CEP112: variants seen among roughly 807,000 people sequenced by gnomAD.
CEP112 encodes the protein centrosomal protein of 112 kDa.
A neutral mutation model predicts 153.0 loss-of-function variants in CEP112; 127 were observed. The ratio of observed to expected loss-of-function variants is 0.83; its 90% CI spans 0.72 to 0.96. The LOEUF (loss-of-function observed/expected upper bound fraction) is 0.96, where lower values mean the gene tolerates loss of function less well. Ranked by LOEUF, CEP112 falls within the 40% of genes least tolerant of loss-of-function variation. The probability of loss-of-function intolerance (pLI) is 0.00; values close to 1 mark genes in which losing one functional copy is unlikely to be tolerated. For missense variants in CEP112, 1,089 were observed against 1,101.2 expected (o/e 0.99, Z 0.16); for synonymous variants, 358 against 374.4 (o/e 0.96, Z 0.51).
At chr17:65,961,339 T>G in intron 18 of CEP112, 124 bp downstream of exon 18, 1 of 912,060 alleles carries the variant, frequency 1.1e-6, no homozygotes, top group South Asian at 2.1e-5. Context: ...TCTGACCCGA[T>G]TGTATGGCTA....
At chr17:66,148,012 C>T (rs1443830968) in intron 4 of CEP112, among the ~76,000 whole-genome samples, 2 of 152,128 alleles carry the variant, frequency 1.3e-5, no homozygotes, top group Non-Finnish European at 2.9e-5. Flanking sequence ...ATGTGAACTT[C>T]AGGATACTGT....
intron 4 of CEP112, among the ~76,000 whole-genome samples, chr17:66,146,646 T>C (rs767495148): frequency 2.6e-5 from 4 of 152,116 alleles, no homozygotes; most frequent in Non-Finnish European, 4.4e-5. Context: ...ACTGAAACCC[T>C]ACAGTCATTA....
At chr17:65,709,543 C>T (rs2049075233) in intron 23 of CEP112, among the ~76,000 whole-genome samples, 2 of 152,176 alleles carry the variant, frequency 1.3e-5, no homozygotes, top group Admixed American at 1.3e-4. Flanking sequence ...GAACTGCCCC[C>T]ATGATTCAAT....
intron 21 of CEP112, among the ~76,000 whole-genome samples, chr17:65,782,369 G>C (rs1055887162): frequency 6.6e-6 from 1 of 152,274 alleles, no homozygotes; most frequent in African/African-American, 2.4e-5. Flanking sequence ...AGAGAAAAGA[G>C]AATGCTTATA....
At chr17:65,785,012 A>T (rs1226153779) in intron 21 of CEP112, among the ~76,000 whole-genome samples, 1 of 152,212 alleles carries the variant, frequency 6.6e-6, no homozygotes, top group Non-Finnish European at 1.5e-5. Context: ...GCCACTGGCA[A>T]CCACTAATCT....
chr17:66,108,758 G>A (rs1228695776), intron 6 of CEP112, among the ~76,000 whole-genome samples: 1 of 152,110 alleles, frequency 6.6e-6, no homozygotes, highest in African/African-American at 2.4e-5. Flanking sequence ...CAATCCCACT[G>A]CTAGGTATAT....
intron 19 of CEP112, among the ~76,000 whole-genome samples, chr17:65,907,198 T>A (rs1395044226): frequency 6.6e-6 from 1 of 152,230 alleles, no homozygotes; most frequent in African/African-American, 2.4e-5. Flanking sequence ...TTCTGTACTC[T>A]AGTAGTAATG....
intron 8 of CEP112, among the ~76,000 whole-genome samples, chr17:66,076,695 T>C (rs1260988586): frequency 6.6e-6 from 1 of 152,142 alleles, no homozygotes; most frequent in Non-Finnish European, 1.5e-5. Context: ...TTCCTCTCCA[T>C]AGTACCACAG....
intron 19 of CEP112, among the ~76,000 whole-genome samples, chr17:65,914,314 T>C (rs2060394364): frequency 6.6e-6 from 1 of 151,156 alleles, no homozygotes; most frequent in African/African-American, 2.4e-5. Flanking sequence ...TCATGTAAGT[T>C]TGCCAGCTAC....
At chr17:65,678,312 T>C (rs375750146) in intron 24 of CEP112, among the ~76,000 whole-genome samples, 14 of 152,116 alleles carry the variant, frequency 9.2e-5, no homozygotes, top group African/African-American at 3.4e-4. Context: ...CTATATTTGA[T>C]CACCCAGGTT....
At chr17:66,072,841 T>C (rs1169470577) in intron 8 of CEP112, among the ~76,000 whole-genome samples, 1 of 152,188 alleles carries the variant, frequency 6.6e-6, no homozygotes, top group East Asian at 1.9e-4. Flanking sequence ...CCTGGATGTA[T>C]TATGTACAAC....
chr17:66,058,167 C>T (rs1199600625), intron 11 of CEP112, among the ~76,000 whole-genome samples: 2 of 150,886 alleles, frequency 1.3e-5, no homozygotes, highest in Non-Finnish European at 2.9e-5. Context: ...GAAAAAAAAG[C>T]TTTACTAATC....
chr17:66,042,103 C>A (rs939535537), intron 12 of CEP112, among the ~76,000 whole-genome samples: 8 of 152,164 alleles, frequency 5.3e-5, no homozygotes, highest in Non-Finnish European at 1.0e-4. Flanking sequence ...AATCCCAGCA[C>A]TTTGGGAGAC....
At chr17:65,953,521 G>T (rs1005338266) in intron 18 of CEP112, among the ~76,000 whole-genome samples, 2 of 152,186 alleles carry the variant, frequency 1.3e-5, no homozygotes, top group Non-Finnish European at 2.9e-5. Flanking sequence ...CTGAGAGTCT[G>T]CTTGCTTTCT....
At chr17:65,658,772 C>T (rs1195075993) in intron 24 of CEP112, among the ~76,000 whole-genome samples, 1 of 151,912 alleles carries the variant, frequency 6.6e-6, no homozygotes. Flanking sequence ...TAAGGGACTT[C>T]CACATTTAGG....
At chr17:66,149,956 ATC>A (rs200733817) in intron 4 of CEP112, among the ~76,000 whole-genome samples, 4,553 of 113,736 alleles carry the variant, frequency 0.04, 112 homozygotes, top group Middle Eastern at 0.12. Context: ...CAGTGGTGTG[ATC>A]TCTCAGCTCA....
rs536517323 is a variant in CEP112 at position 65,827,393 on chromosome 17, C to G, written c.2394+24411G>C. ...GCTTACTTTCTGGCTCTCATGACCC[C>G]TATCAAATCCATCAGAAAATCATAT... On this transcript the variant is annotated intron_variant, in intron 21 of 26. Coordinates refer to ENST00000535342, the MANE Select transcript of CEP112 (RefSeq NM_001199165.4). Among the ~76,000 whole-genome samples, 3 of 152,258 alleles carry G rather than the reference C, an allele frequency of 2.0e-5. No individual in the cohort carries two copies. The East Asian group carries it at 5.8e-4, about 29-fold the overall frequency.
At position 65,810,784 on chromosome 17, in the gene CEP112, A is replaced by C. The variant is rs1426208966; in HGVS notation, c.2394+41020T>G. ...AATGGTGGATAATTATAGGAGAAAA[A>C]CCCTTGAATAAGGATGAGGAGTGTA... On this transcript the variant is annotated intron_variant, in intron 21 of 26. Transcript: ENST00000535342. 2.0e-5 allele frequency among the ~76,000 whole-genome samples: 3 copies of C among 152,114 alleles called. No individual in the cohort carries two copies. The East Asian group carries it at 5.8e-4, about 29-fold the overall frequency.
chr17:65,823,540 C>G (rs1174276714), intron 21 of CEP112, among the ~76,000 whole-genome samples: 1 of 152,106 alleles, frequency 6.6e-6, no homozygotes, highest in East Asian at 1.9e-4. Flanking sequence ...AAAGTAAAAC[C>G]TGAAACTGTA....
Sources: allele counts gnomAD v4.1 joint callset (sites outside exome capture counted in the v4.1 genomes callset), GRCh38; gene constraint gnomAD v4.1.1; transcripts MANE v1.5; gene names NCBI Gene and HGNC (gene_info 2026-07-23, HGNC 2026-07-21).